The following RFWD3 variants were observed in gnomAD, a reference collection of about 807,000 sequenced individuals.
RFWD3 encodes ring finger and WD repeat domain 3, also known as E3 ubiquitin-protein ligase RFWD3.
In RFWD3, 65 loss-of-function variants were observed where a neutral mutation model predicts 87.7. The ratio of observed to expected loss-of-function variants is 0.74; its 90% CI spans 0.61 to 0.91. The LOEUF (loss-of-function observed/expected upper bound fraction) is 0.91, where lower values mean the gene tolerates loss of function less well. RFWD3 is among the 40% of genes least tolerant of loss of function. The probability of loss-of-function intolerance (pLI) is 0.00; values close to 1 mark genes in which losing one functional copy is unlikely to be tolerated. For synonymous variants in RFWD3, 433 were observed against 352.8 expected, an observed-to-expected ratio of 1.23 and a Z score of -2.55; for missense variants, 1,078 against 938.5, an observed-to-expected ratio of 1.15 and a Z score of -1.94.
intron 12 of RFWD3, among the ~76,000 whole-genome samples, chr16:74,624,648 TG>T (rs1567563644): frequency 6.6e-6 from 1 of 152,142 alleles, no homozygotes; most frequent in Non-Finnish European, 1.5e-5. Context: ...CCACCCACCT[TG>T]GCCTCCCAAA....
At position 74,626,344 on chromosome 16, in the gene RFWD3, A is replaced by G; in HGVS notation, c.2180T>C (p.Leu727Pro). 1.2e-6 allele frequency: 2 copies of G among 1,613,486 alleles called. No homozygotes were observed. The highest frequency in any genetic ancestry group is 1.7e-6 in the Non-Finnish European group (2 of 1,179,386). The change falls in exon 12 of 13, where the codon CTG becomes CCG. Residue 727 changes from leucine to proline, a missense_variant and splice_region_variant. Transcript: ENST00000361070. ...CTGDEAANSA[L>P]LWDAASGSLL... Reference sequence around the variant, plus strand: ...AAAGTAAAAAAGTAACAGGCTCACCAGGGCAGAATTTGCTGCTTCATCCCC... The same window carrying G: ...AAAGTAAAAAAGTAACAGGCTCACCGGGGCAGAATTTGCTGCTTCATCCCC...
intron 2 of RFWD3, among the ~76,000 whole-genome samples, chr16:74,655,650 C>T (rs1031470769): frequency 3.3e-5 from 5 of 151,604 alleles, no homozygotes; most frequent in African/African-American, 1.2e-4. Flanking sequence ...GATGGAGTCT[C>T]GCTCTGTCAC....
chr16:74,632,416 AC>A (rs1168543442), intron 9 of RFWD3, 106 bp downstream of exon 9: 2 of 1,320,454 alleles, frequency 1.5e-6, no homozygotes, highest in African/African-American at 1.5e-5. Context: ...AAACAAAACA[AC>A]AACAACAACA....
At chr16:74,625,083 C>A (rs1256667393) in intron 12 of RFWD3, among the ~76,000 whole-genome samples, 1 of 151,986 alleles carries the variant, frequency 6.6e-6, no homozygotes, top group Non-Finnish European at 1.5e-5. Context: ...ACCCATAGTT[C>A]CAGCTACTTG....
rs1475771187 is a variant in RFWD3, at chr16:74,636,364, G to C, written c.1408C>G (p.Gln470Glu). ...SCLVISQPSP[Q>E]ASFLPGFGVK... ...TCTTTACCTGGAAGAAAAGAGGCCT[G>C]AGGAGAAGGCTGTGATATCACCAGG... Residue 470 changes from glutamine (Q) to glutamate (E), a missense_variant, in exon 8 of 13, where the codon CAG becomes GAG. Transcript: ENST00000361070. 5 of 1,613,932 alleles carry C rather than the reference G, an allele frequency of 3.1e-6. No homozygotes were observed. The African/African-American group carries it at 6.7e-5, about 22-fold the overall frequency.
At chr16:74,664,011 CTG>C (rs1272087969) in intron 1 of RFWD3, among the ~76,000 whole-genome samples, 5 of 152,212 alleles carry the variant, frequency 3.3e-5, no homozygotes, top group African/African-American at 4.8e-5. Flanking sequence ...CACGAGAAAA[CTG>C]GAGGTTTGAA....
intron 8 of RFWD3, 83 bp from the exon 9 acceptor site, chr16:74,632,756 G>C: frequency 7.7e-7 from 1 of 1,295,168 alleles, no homozygotes; most frequent in Non-Finnish European, 1.1e-6. Flanking sequence ...TAGCTCCTTC[G>C]TCCACCTTTC....
At chr16:74,657,796 TA>T (rs1961115551) in intron 2 of RFWD3, among the ~76,000 whole-genome samples, 2 of 152,168 alleles carry the variant, frequency 1.3e-5, no homozygotes, top group African/African-American at 4.8e-5. Flanking sequence ...TAGACAGTGC[TA>T]AGCAAGTTTA....
intron 3 of RFWD3, among the ~76,000 whole-genome samples, chr16:74,650,708 G>T (rs1292903307): frequency 6.6e-6 from 1 of 151,944 alleles, no homozygotes; most frequent in Non-Finnish European, 1.5e-5. Context: ...AACATAGGGA[G>T]ACCCCACAGC....
At chr16:74,640,154 T>C (rs1959508007) in intron 6 of RFWD3, among the ~76,000 whole-genome samples, 1 of 151,870 alleles carries the variant, frequency 6.6e-6, no homozygotes, top group Non-Finnish European at 1.5e-5. Context: ...AATTTTTTTT[T>C]TTTTTTTTGA....
chr16:74,632,240 A>G (rs1163374308), intron 9 of RFWD3, among the ~76,000 whole-genome samples: 1 of 151,866 alleles, frequency 6.6e-6, no homozygotes, highest in Non-Finnish European at 1.5e-5. Flanking sequence ...AAAATAGAAA[A>G]TATTAGCCAG....
Position 74,625,166 on chromosome 16 carries a change from C to T in RFWD3, c.2182-1095G>A, listed in dbSNP as rs980101784. ...AGTAAGCCAAGATTGCACCTCTGCA[C>T]TCCAGCCTGGGCAACAGAGCAAGAC... is the stretch of plus-strand genomic sequence containing the variant. On this transcript the variant is annotated intron_variant, in intron 12 of 12. Transcript: ENST00000361070. Among the ~76,000 whole-genome samples, 10 of 149,794 alleles carry T rather than the reference C, an allele frequency of 6.7e-5. No individual in the cohort carries two copies. In the Admixed American group the frequency reaches 6.7e-4, roughly 10 times the overall value.
chr16:74,628,973 G>GA (rs1401041518), intron 10 of RFWD3, among the ~76,000 whole-genome samples: 1 of 151,490 alleles, frequency 6.6e-6, no homozygotes, highest in Admixed American at 6.7e-5. Flanking sequence ...GAAGCTTCTG[G>GA]AAATGGGTTT....
chr16:74,626,598 CA>C, intron 11 of RFWD3, 44 bp from the exon 12 acceptor site: 4 of 1,539,208 alleles, frequency 2.6e-6, no homozygotes, highest in Non-Finnish European at 3.6e-6. Flanking sequence ...GGACGCTACA[CA>C]AAAAATTAAC....
At chr16:74,626,768 G>C (rs548121341) in intron 11 of RFWD3, among the ~76,000 whole-genome samples, 5 of 152,232 alleles carry the variant, frequency 3.3e-5, no homozygotes, top group Admixed American at 6.5e-5. Context: ...TAGAACCATA[G>C]GCTAGGAATC....
chr16:74,657,981 TA>T (rs564315306), intron 2 of RFWD3, among the ~76,000 whole-genome samples: 11 of 152,082 alleles, frequency 7.2e-5, no homozygotes, highest in Non-Finnish European at 1.0e-4. Context: ...GATAGACGAT[TA>T]AAAAAAATCA....
At chr16:74,653,931 C>T (rs1446675967) in intron 2 of RFWD3, among the ~76,000 whole-genome samples, 1 of 152,068 alleles carries the variant, frequency 6.6e-6, no homozygotes, top group Non-Finnish European at 1.5e-5. Context: ...GTCAGTAAAC[C>T]AAAAGGAGAA....
chr16:74,647,734 T>G (rs4888264), intron 4 of RFWD3, among the ~76,000 whole-genome samples: 89,732 of 151,868 alleles, frequency 0.59, 27,734 homozygotes, highest in African/African-American at 0.77. Flanking sequence ...TGGGATTATA[T>G]GCGCCTGCCA....
intron 1 of RFWD3, among the ~76,000 whole-genome samples, chr16:74,662,263 C>A (rs752038940): frequency 3.9e-5 from 6 of 152,270 alleles, no homozygotes; most frequent in Middle Eastern, 3.4e-3. Flanking sequence ...TGCCTCCCTA[C>A]CACCTAGTTT....
Sources: gnomAD v4.1 joint callset for allele counts (sites outside exome capture counted in the v4.1 genomes callset) on GRCh38, gnomAD v4.1.1 for gene constraint, MANE v1.5 for transcripts, NCBI Gene and HGNC (gene_info 2026-07-23, HGNC 2026-07-21) for gene names.